Variants in MERTK observed in about 807,000 individuals in gnomAD.
MERTK encodes the protein MER proto-oncogene, tyrosine kinase.
In MERTK, 69 loss-of-function variants were observed where a neutral mutation model predicts 99.3. That is an observed-to-expected ratio of 0.70 (90% CI 0.57 to 0.85). The LOEUF (loss-of-function observed/expected upper bound fraction) is 0.85, where lower values mean the gene tolerates loss of function less well. Among genes scored for constraint, MERTK ranks in the 40% least tolerant of loss-of-function variants. The pLI is 0.00. For missense variants in MERTK, 1,125 were observed against 1,249.4 expected (o/e 0.90, Z 1.50); for synonymous variants, 426 against 467.6 (o/e 0.91, Z 1.15).
intron 5 of MERTK, among the ~76,000 whole-genome samples, chr2:111,967,830 T>A (rs1005469343): frequency 6.6e-6 from 1 of 152,176 alleles, no homozygotes; most frequent in African/African-American, 2.4e-5. Context: ...TCCATGAACA[T>A]GTACTCAGTA....
At chr2:111,991,358 T>G (rs1676611736) in intron 8 of MERTK, among the ~76,000 whole-genome samples, 1 of 152,120 alleles carries the variant, frequency 6.6e-6, no homozygotes, top group Non-Finnish European at 1.5e-5. Context: ...CCCGAGTAGC[T>G]GGGATTACAG....
intron 1 of MERTK, among the ~76,000 whole-genome samples, chr2:111,899,727 A>G (rs1012367350): frequency 1.3e-5 from 2 of 152,144 alleles, no homozygotes; most frequent in African/African-American, 4.8e-5. Context: ...CATGTTGGCC[A>G]GGATGGTCTC....
Position 111,907,582 on chromosome 2 carries a change from T to G in MERTK, c.61+8786T>G, listed in dbSNP as rs992654430. ...AATATTGGATCTCCCCAAACACATA[T>G]GACCTCTTCCTGCTAAATCTTCTGA... On this transcript the variant is annotated intron_variant, in intron 1 of 18. Transcript: ENST00000295408. 2.0e-5 allele frequency among the ~76,000 whole-genome samples: 3 copies of G among 152,222 alleles called. No homozygotes were observed. In the East Asian group the frequency reaches 5.8e-4, roughly 29 times the overall value.
intron 6 of MERTK, among the ~76,000 whole-genome samples, chr2:111,972,510 C>G (rs1265542189): frequency 6.6e-6 from 1 of 152,160 alleles, no homozygotes; most frequent in East Asian, 1.9e-4. Flanking sequence ...TTTACCTGCT[C>G]TCTTTCTGCC....
chr2:111,997,417 T>C lies in MERTK; in HGVS notation c.1545T>C (p.Ile515=). The part of the protein sequence containing the change: ...IFGCFCGFIL[I]GLILYISLAI... ...GCTGCTTTTGTGGATTTATTTTGATTGGGTTGATTTTATACATCTCCTTGG... is the reference window on the plus strand; with the variant it reads ...GCTGCTTTTGTGGATTTATTTTGATCGGGTTGATTTTATACATCTCCTTGG... Residue 515 remains isoleucine, a synonymous_variant, in exon 10 of 19, where the codon ATT becomes ATC. Coordinates refer to ENST00000295408, the MANE Select transcript of MERTK (RefSeq NM_006343.3). The C allele has an allele frequency of 6.2e-7, 1 of 1,614,116 alleles. No individual in the cohort carries two copies. Among genetic ancestry groups the C allele is most frequent in the Non-Finnish European group, 8.5e-7 (1 of 1,179,976 alleles).
At chr2:111,991,427 T>C (rs1182762421) in intron 8 of MERTK, among the ~76,000 whole-genome samples, 2 of 152,092 alleles carry the variant, frequency 1.3e-5, no homozygotes, top group Non-Finnish European at 2.9e-5. Context: ...AGTTTTGCCA[T>C]GTTGGCCTGG....
Position 111,975,403 on chromosome 2 carries a change from GT to G in MERTK, c.1078del (p.Ser360ProfsTer3). 6.2e-7 allele frequency: 1 copy of G among 1,614,192 alleles called. No homozygotes were observed. The highest frequency in any genetic ancestry group is 8.5e-7 in the Non-Finnish European group (1 of 1,180,026). ...LQALANYSIG[V>X]SCMNEIGWSA... ...AGCCCTGGCTAATTACAGCATTGGTGTTTCCTGCATGAATGAAATAGGCTGG... is the reference window on the plus strand; with the variant it reads ...AGCCCTGGCTAATTACAGCATTGGTGTTCCTGCATGAATGAAATAGGCTGG... On this transcript the variant is annotated frameshift_variant, in exon 7 of 19. Coordinates refer to ENST00000295408, the MANE Select transcript of MERTK (RefSeq NM_006343.3). LOFTEE classifies it high-confidence loss of function.
chr2:111,968,274 G>A (rs773927717), intron 6 of MERTK, 22 bp downstream of exon 6: 5 of 1,574,178 alleles, frequency 3.2e-6, no homozygotes, highest in Admixed American at 3.3e-5. Flanking sequence ...GGGTGAAGAG[G>A]GAAGTAGCTG....
At chr2:111,984,701 C>G (rs1255705603) in intron 8 of MERTK, among the ~76,000 whole-genome samples, 1 of 152,132 alleles carries the variant, frequency 6.6e-6, no homozygotes, top group Non-Finnish European at 1.5e-5. Flanking sequence ...TGATGATGAC[C>G]TAGATGATTC....
chr2:111,936,699 G>T (rs1684770070), intron 2 of MERTK, among the ~76,000 whole-genome samples: 1 of 152,148 alleles, frequency 6.6e-6, no homozygotes, highest in Admixed American at 6.5e-5. Flanking sequence ...ACTTGAGTCA[G>T]TGGGCTGGGC....
rs769970062 is a variant in MERTK at position 111,929,152 on chromosome 2, T to A, written c.94T>A (p.Tyr32Asn). Reference sequence around the variant, plus strand: ...TGAGGCAAGGGAAGAAGCCAAGCCTTACCCGCTATTCCCGGGACCTTTTCC... The same window carrying A: ...TGAGGCAAGGGAAGAAGCCAAGCCTAACCCGCTATTCCCGGGACCTTTTCC... Reference protein sequence around the residue: ...ITEAREEAKPYPLFPGPFPGS... With the variant: ...ITEAREEAKPNPLFPGPFPGS... Residue 32 changes from tyrosine (Y) to asparagine (N), a missense_variant, in exon 2 of 19, where the codon TAC becomes AAC. Tyr to Asn is a moderately radical substitution (Grantham distance 143). Transcript: ENST00000295408. The A allele has an allele frequency of 1.2e-6, 2 of 1,614,176 alleles. No homozygotes were observed. The highest frequency in any genetic ancestry group is 2.2e-5 in the South Asian group (2 of 91,084).
chr2:111,916,553 G>A (rs1454321325), intron 1 of MERTK, among the ~76,000 whole-genome samples: 2 of 151,472 alleles, frequency 1.3e-5, no homozygotes, highest in African/African-American at 4.8e-5. Flanking sequence ...ATTTCCTTTT[G>A]ATTTTTAAAA....
At chr2:111,954,469 T>C (rs1685112745) in intron 4 of MERTK, among the ~76,000 whole-genome samples, 1 of 152,176 alleles carries the variant, frequency 6.6e-6, no homozygotes, top group African/African-American at 2.4e-5. Context: ...TTATTATGTA[T>C]GATTTATTAG....
chr2:111,959,641 T>A (rs1685208203), intron 4 of MERTK, among the ~76,000 whole-genome samples: 2 of 152,056 alleles, frequency 1.3e-5, no homozygotes, highest in African/African-American at 4.8e-5. Context: ...GCTCAGCTAA[T>A]TTTTGTGTTT....
chr2:111,946,026 G>A (rs1684955855), intron 3 of MERTK, among the ~76,000 whole-genome samples: 1 of 152,178 alleles, frequency 6.6e-6, no homozygotes, highest in South Asian at 2.1e-4. Flanking sequence ...ATTCTTTTGT[G>A]AACCTGAAAT....
chr2:111,918,772 A>G (rs1354780585), intron 1 of MERTK, among the ~76,000 whole-genome samples: 1 of 152,224 alleles, frequency 6.6e-6, no homozygotes, highest in African/African-American at 2.4e-5. Flanking sequence ...CATTTATTGC[A>G]TGTCTGTGGA....
chr2:111,991,504 G>A (rs1676614860), intron 8 of MERTK, among the ~76,000 whole-genome samples: 1 of 151,998 alleles, frequency 6.6e-6, no homozygotes, highest in Non-Finnish European at 1.5e-5. Flanking sequence ...GGGATTACAG[G>A]TGTGAGCCAC....
Position 111,929,201 on chromosome 2 carries a change from C to T in MERTK, c.143C>T (p.Thr48Ile). The change falls in exon 2 of 19, where the codon ACA (threonine) becomes ATA (isoleucine). Residue 48 changes from threonine (T) to isoleucine (I), a missense_variant. Transcript: ENST00000295408. ...PFPGSLQTDH[T>I]PLLSLPHASG... is the part of the protein sequence containing the mutation. ...CCAGGGAGCCTGCAAACTGACCACA[C>T]ACCGCTGTTATCCCTTCCTCACGCC... The T allele has an allele frequency of 6.2e-7, 1 of 1,614,216 alleles. No individual in the cohort carries two copies. The highest frequency in any genetic ancestry group is 8.5e-7 in the Non-Finnish European group (1 of 1,180,052).
At chr2:111,901,753 C>G (rs1684048712) in intron 1 of MERTK, among the ~76,000 whole-genome samples, 1 of 151,840 alleles carries the variant, frequency 6.6e-6, no homozygotes, top group Admixed American at 6.6e-5. Flanking sequence ...CAGGATCTCA[C>G]TATGTTGCCC....
Sources: gnomAD v4.1 joint callset for allele counts (sites outside exome capture counted in the v4.1 genomes callset) on GRCh38, gnomAD v4.1.1 for gene constraint, MANE v1.5 for transcripts, NCBI Gene and HGNC (gene_info 2026-07-23, HGNC 2026-07-21) for gene names.